Variants in GRID2 observed in about 807,000 individuals in gnomAD.
GRID2 encodes the protein glutamate receptor ionotropic, delta-2.
GRID2 carries 33 observed loss-of-function variants against 114.8 expected under a neutral mutation model. That is an observed-to-expected ratio of 0.29 (90% CI 0.22 to 0.38). GRID2 has a LOEUF of 0.38. GRID2 is among the 10% of genes least tolerant of loss of function. The pLI, the probability that GRID2 is intolerant of heterozygous loss-of-function variation, is 1.00. For missense variants in GRID2, 1,184 were observed against 1,257.7 expected (o/e 0.94, Z 0.89); for synonymous variants, 505 against 449.9 (o/e 1.12, Z -1.55).
At chr4:92,352,976 C>A (rs569010490) in intron 1 of GRID2, among the ~76,000 whole-genome samples, 1 of 151,360 alleles carries the variant, frequency 6.6e-6, no homozygotes, top group African/African-American at 2.4e-5. Context: ...AATATTATAT[C>A]TTTCTCTTTC....
chr4:92,655,074 G>A lies in GRID2; in HGVS notation c.244+64788G>A, dbSNP rs146516248. 1.1e-4 allele frequency among the ~76,000 whole-genome samples: 17 copies of A among 152,006 alleles called. 1 individual carries two copies. The highest frequency in any genetic ancestry group is 4.1e-4 in the African/African-American group (17 of 41,500). On this transcript the variant is annotated intron_variant, in intron 2 of 15. Transcript: ENST00000282020. Reference sequence around the variant, plus strand: ...ATCTTTAGTTGACATTGTAAGTGGTGAGAAATAGGGGTCCAGTCTCATTCT... The same window carrying A: ...ATCTTTAGTTGACATTGTAAGTGGTAAGAAATAGGGGTCCAGTCTCATTCT...
intron 4 of GRID2, among the ~76,000 whole-genome samples, chr4:93,124,970 GACTAT>G (rs1183630245): frequency 2.0e-5 from 3 of 152,012 alleles, no homozygotes; most frequent in Non-Finnish European, 4.4e-5. Flanking sequence ...GTGCCTTGTA[GACTAT>G]ACCAAAATTT....
chr4:92,312,004 C>A (rs1486259188), intron 1 of GRID2, among the ~76,000 whole-genome samples: 1 of 151,770 alleles, frequency 6.6e-6, no homozygotes, highest in Non-Finnish European at 1.5e-5. Context: ...AGTATGTTTT[C>A]ATTGGAACAG....
At chr4:93,622,356 C>T (rs1160897769) in intron 13 of GRID2, among the ~76,000 whole-genome samples, 1 of 152,130 alleles carries the variant, frequency 6.6e-6, no homozygotes, top group Non-Finnish European at 1.5e-5. Flanking sequence ...GATGATATTA[C>T]TCATTTTTTT....
chr4:93,699,814 G>T (rs1460069477), intron 14 of GRID2, among the ~76,000 whole-genome samples: 3 of 152,098 alleles, frequency 2.0e-5, no homozygotes, highest in African/African-American at 7.2e-5. Flanking sequence ...AATATTAGAT[G>T]ATATTCCAAC....
intron 14 of GRID2, among the ~76,000 whole-genome samples, chr4:93,741,181 A>ATATATATATATATATATG (rs1731361768): frequency 2.6e-5 from 1 of 37,740 alleles, no homozygotes; most frequent in Non-Finnish European, 5.7e-5. Context: ...ATACATATAT[A>ATATATATATATATATATG]TATATATATA....
intron 2 of GRID2, among the ~76,000 whole-genome samples, chr4:92,609,043 C>T (rs1299108572): frequency 1.3e-5 from 2 of 151,704 alleles, no homozygotes; most frequent in African/African-American, 4.8e-5. Context: ...ATACAAAGTA[C>T]AGTAAGTTAT....
At chr4:92,761,503 C>A (rs1201397045) in intron 2 of GRID2, among the ~76,000 whole-genome samples, 1 of 152,106 alleles carries the variant, frequency 6.6e-6, no homozygotes, top group Non-Finnish European at 1.5e-5. Flanking sequence ...TAGCCCATGG[C>A]CTCATGGGTT....
chr4:92,472,281 T>G (rs539899480), intron 1 of GRID2, among the ~76,000 whole-genome samples: 1 of 152,234 alleles, frequency 6.6e-6, no homozygotes. Context: ...TGTTATAAAT[T>G]TATACTATTT....
chr4:92,650,642 A>G (rs539636868), intron 2 of GRID2, among the ~76,000 whole-genome samples: 8 of 151,850 alleles, frequency 5.3e-5, no homozygotes, highest in South Asian at 2.1e-4. Flanking sequence ...TGGAATTATC[A>G]TTGTGTCTCT....
chr4:93,541,398 T>C (rs920072238), intron 13 of GRID2, among the ~76,000 whole-genome samples: 3 of 152,144 alleles, frequency 2.0e-5, no homozygotes, highest in Non-Finnish European at 4.4e-5. Context: ...TGTATTCTAC[T>C]CTTGTCATGG....
At chr4:92,655,375 G>A (rs1004576338) in intron 2 of GRID2, among the ~76,000 whole-genome samples, 4 of 151,688 alleles carry the variant, frequency 2.6e-5, no homozygotes, top group Non-Finnish European at 5.9e-5. Context: ...CTTTTGTGTT[G>A]TTCTATACTA....
intron 1 of GRID2, among the ~76,000 whole-genome samples, chr4:92,398,291 CTAT>C (rs765676727): frequency 6.6e-6 from 1 of 151,890 alleles, no homozygotes; most frequent in South Asian, 2.1e-4. Context: ...TATTATTTCA[CTAT>C]TATTATTATT....
intron 2 of GRID2, among the ~76,000 whole-genome samples, chr4:92,674,530 A>AT (rs1211553234): frequency 1.3e-5 from 2 of 151,792 alleles, no homozygotes; most frequent in Non-Finnish European, 1.5e-5. Context: ...TATTATTACT[A>AT]TTTTTTATTT....
chr4:92,530,735 T>TAAAA (rs143078058), intron 1 of GRID2, among the ~76,000 whole-genome samples: 1 of 126,626 alleles, frequency 7.9e-6, no homozygotes, highest in East Asian at 2.3e-4. Context: ...CCCCCTCTAC[T>TAAAA]AAAAAAAAAA....
chr4:92,441,845 A>G (rs1421749317), intron 1 of GRID2, among the ~76,000 whole-genome samples: 1 of 151,980 alleles, frequency 6.6e-6, no homozygotes, highest in Non-Finnish European at 1.5e-5. Context: ...GACGCAAAGG[A>G]GGCTTTGGAT....
chr4:93,715,746 G>A (rs1035470777), intron 14 of GRID2, among the ~76,000 whole-genome samples: 12 of 152,238 alleles, frequency 7.9e-5, no homozygotes, highest in African/African-American at 2.2e-4. Context: ...TGTTGCTGGC[G>A]TATAGGAATG....
intron 2 of GRID2, among the ~76,000 whole-genome samples, chr4:92,595,442 T>G (rs1728904660): frequency 6.6e-6 from 1 of 151,938 alleles, no homozygotes. Context: ...ATATTTTTAA[T>G]ATATATAAAA....
chr4:93,735,874 T>C (rs963331977), intron 14 of GRID2, among the ~76,000 whole-genome samples: 4 of 152,054 alleles, frequency 2.6e-5, no homozygotes, highest in African/African-American at 9.7e-5. Context: ...TTGTTATTGC[T>C]GTTCTTCATG....
Sources: gnomAD v4.1 joint callset for allele counts (sites outside exome capture counted in the v4.1 genomes callset) on GRCh38, gnomAD v4.1.1 for gene constraint, MANE v1.5 for transcripts, NCBI Gene and HGNC (gene_info 2026-07-23, HGNC 2026-07-21) for gene names.